The following LRBA variants were observed in gnomAD, a reference collection of about 807,000 sequenced individuals.
The protein encoded by LRBA is lipopolysaccharide-responsive and beige-like anchor protein.
LRBA carries 176 observed loss-of-function variants against 330.0 expected under a neutral mutation model. That is an observed-to-expected ratio of 0.53 (90% CI 0.47 to 0.60). The LOEUF (loss-of-function observed/expected upper bound fraction) is 0.60. LRBA is among the 20% of genes least tolerant of loss of function. LRBA has a pLI of 0.00. For missense variants in LRBA, 3,259 were observed against 3,444.8 expected (o/e 0.95, Z 1.35); for synonymous variants, 1,230 against 1,193.0 (o/e 1.03, Z -0.64).
rs550423561 is a variant in LRBA at position 150,983,198 on chromosome 4, C to T, written c.216+31229G>A. 1.9e-3 allele frequency among the ~76,000 whole-genome samples: 291 copies of T among 152,228 alleles called. 1 individual carries two copies. The highest frequency in any genetic ancestry group is 6.8e-3 in the African/African-American group (283 of 41,540). On this transcript the variant is annotated intron_variant, in intron 2 of 56. Transcript: ENST00000651943. Reference sequence around the variant, plus strand: ...TTTAGCCAGGTGCAGTGGCTCATACCTGTAGTCCCAGCATTTGGGAGGCTG... The same window carrying T: ...TTTAGCCAGGTGCAGTGGCTCATACTTGTAGTCCCAGCATTTGGGAGGCTG...
intron 42 of LRBA, among the ~76,000 whole-genome samples, chr4:150,473,558 C>T (rs1197198643): frequency 6.6e-6 from 1 of 152,142 alleles, no homozygotes; most frequent in African/African-American, 2.4e-5. Context: ...AGGGTGAATT[C>T]CCTCTTCTGC....
intron 37 of LRBA, among the ~76,000 whole-genome samples, chr4:150,623,203 C>A: frequency 6.6e-6 from 1 of 152,208 alleles, no homozygotes; most frequent in Non-Finnish European, 1.5e-5. Flanking sequence ...TACATTCAAA[C>A]CTTGCCCCAC....
intron 2 of LRBA, among the ~76,000 whole-genome samples, chr4:150,969,166 T>C (rs1739241495): frequency 6.6e-6 from 1 of 152,252 alleles, no homozygotes; most frequent in African/African-American, 2.4e-5. Context: ...GAGATTCACG[T>C]TGTTTTCGTG....
chr4:150,625,275 A>T (rs1776737844), intron 37 of LRBA, among the ~76,000 whole-genome samples: 1 of 152,192 alleles, frequency 6.6e-6, no homozygotes, highest in Non-Finnish European at 1.5e-5. Flanking sequence ...AAATTTACCA[A>T]GAGATATACA....
intron 36 of LRBA, among the ~76,000 whole-genome samples, chr4:150,691,802 T>C (rs1043911926): frequency 6.6e-6 from 1 of 152,104 alleles, no homozygotes; most frequent in African/African-American, 2.4e-5. Flanking sequence ...AACAACCCAA[T>C]GTCTGCCTAT....
chr4:150,947,919 G>A (rs1736409749), intron 2 of LRBA, among the ~76,000 whole-genome samples: 2 of 151,972 alleles, frequency 1.3e-5, no homozygotes, highest in African/African-American at 4.8e-5. Context: ...AAAATATGAA[G>A]TTCTTAGATG....
chr4:150,657,680 A>G (rs919561009), intron 37 of LRBA, among the ~76,000 whole-genome samples: 3 of 152,088 alleles, frequency 2.0e-5, no homozygotes, highest in African/African-American at 7.2e-5. Flanking sequence ...TAAAGATATA[A>G]TAGAGTAGAA....
intron 36 of LRBA, among the ~76,000 whole-genome samples, chr4:150,694,084 G>C (rs1582068348): frequency 6.6e-6 from 1 of 152,138 alleles, no homozygotes; most frequent in Non-Finnish European, 1.5e-5. Context: ...AAAAGAAAAA[G>C]AAATTTCTCT....
At chr4:150,386,260 G>A (rs142245916) in intron 47 of LRBA, among the ~76,000 whole-genome samples, 47 of 152,068 alleles carry the variant, frequency 3.1e-4, no homozygotes, top group African/African-American at 1.1e-3. Context: ...TTCTAATGCA[G>A]TATTTCATTA....
intron 53 of LRBA, among the ~76,000 whole-genome samples, chr4:150,287,255 A>G (rs1345362647): frequency 6.6e-6 from 1 of 152,166 alleles, no homozygotes; most frequent in Non-Finnish European, 1.5e-5. Flanking sequence ...CCCACTGGAA[A>G]CCTACTGTAC....
intron 2 of LRBA, chr4:150,970,911 A>G (rs1366263965): frequency 6.6e-6 from 1 of 152,124 alleles, no homozygotes; most frequent in Non-Finnish European, 1.5e-5. Flanking sequence ...AGCCCTATGA[A>G]ACTGGTACTG....
chr4:150,318,568 A>C (rs1417845263), intron 50 of LRBA, among the ~76,000 whole-genome samples: 1 of 152,226 alleles, frequency 6.6e-6, no homozygotes, highest in Non-Finnish European at 1.5e-5. Context: ...ATAGAATGAA[A>C]GGTTAGATTT....
intron 40 of LRBA, among the ~76,000 whole-genome samples, chr4:150,574,248 T>G (rs1279666541): frequency 4.6e-5 from 7 of 152,108 alleles, no homozygotes; most frequent in African/African-American, 1.7e-4. Context: ...AAACTATATT[T>G]TGTAAATTTT....
chr4:151,008,751 G>A (rs1331375055), intron 2 of LRBA, among the ~76,000 whole-genome samples: 1 of 151,150 alleles, frequency 6.6e-6, no homozygotes, highest in Non-Finnish European at 1.5e-5. Flanking sequence ...GAGGCAGGCG[G>A]ATCACGAGGT....
chr4:150,592,903 G>A (rs1256124501), intron 38 of LRBA, among the ~76,000 whole-genome samples: 1 of 151,852 alleles, frequency 6.6e-6, no homozygotes. Flanking sequence ...AAAGTTGCTG[G>A]GATTACAGGC....
intron 47 of LRBA, among the ~76,000 whole-genome samples, chr4:150,407,824 C>T (rs2151940372): frequency 6.6e-6 from 1 of 152,032 alleles, no homozygotes; most frequent in Middle Eastern, 3.4e-3. Context: ...AAGAAAGAAA[C>T]CACAAGAATA....
chr4:150,891,088 T>C (rs1729411613), intron 17 of LRBA, among the ~76,000 whole-genome samples: 1 of 152,186 alleles, frequency 6.6e-6, no homozygotes, highest in African/African-American at 2.4e-5. Flanking sequence ...TTTCTGAAAT[T>C]CAGTTATTAG....
Position 150,670,836 on chromosome 4 carries a change from A to G in LRBA, c.5921+12715T>C, listed in dbSNP as rs1781984282. ...TAACTCCTTTCTCCAAAAGAAAGAA[A>G]TCTTGCTTTTACTATCCAAAATATA... On this transcript the variant is annotated intron_variant, in intron 37 of 56. Transcript: ENST00000651943. 2.6e-5 allele frequency among the ~76,000 whole-genome samples: 4 copies of G among 152,292 alleles called. No homozygotes were observed. The South Asian group carries it at 8.3e-4, about 32-fold the overall frequency.
intron 34 of LRBA, among the ~76,000 whole-genome samples, chr4:150,777,680 T>G (rs114673838): frequency 4.0e-4 from 61 of 151,782 alleles, no homozygotes; most frequent in African/African-American, 1.4e-3. Flanking sequence ...AGACTAAAGG[T>G]CAAAACTAGG....
Sources: gnomAD v4.1 joint callset for allele counts (sites outside exome capture counted in the v4.1 genomes callset) on GRCh38, gnomAD v4.1.1 for gene constraint, MANE v1.5 for transcripts, NCBI Gene and HGNC (gene_info 2026-07-23, HGNC 2026-07-21) for gene names.